The following PAK1 variants were observed in gnomAD, a reference collection of about 807,000 sequenced individuals.
PAK1 encodes the protein p21 (RAC1) activated kinase 1.
A neutral mutation model predicts 67.4 loss-of-function variants in PAK1; 29 were observed. That is an observed-to-expected ratio of 0.43 (90% CI 0.32 to 0.59). The LOEUF is 0.59. PAK1 is among the 20% of genes least tolerant of loss of function. PAK1 has a pLI of 0.07. For missense variants in PAK1, 337 were observed against 670.7 expected, an observed-to-expected ratio of 0.50 and a Z score of 5.50; for synonymous variants, 223 against 237.4, an observed-to-expected ratio of 0.94 and a Z score of 0.56.
chr11:77,429,056 T>TAA lies in PAK1; in HGVS notation c.-21-36517_-21-36516dup, dbSNP rs566874549. 2.1e-3 allele frequency among the ~76,000 whole-genome samples: 102 copies of TAA among 48,988 alleles called. 28 individuals carry two copies. Among genetic ancestry groups the TAA allele is most frequent in the South Asian group, 6.7e-3 (5 of 748 alleles). 32.1% of individuals were successfully genotyped at this position (48,988 alleles called of 152,430 possible). A position where few individuals can be genotyped will look rare whatever the true frequency, so the allele number is the denominator to read the frequency against. ...TTGGATTCTAAATGCCATTTAATAC[T>TAA]AAAAAAAAAAAAAAAAAAAAAAAAA... On this transcript the variant is annotated intron_variant, in intron 1 of 14. Transcript: ENST00000356341.
At chr11:77,390,130 T>A (rs939689624) in intron 2 of PAK1, among the ~76,000 whole-genome samples, 1 of 152,232 alleles carries the variant, frequency 6.6e-6, no homozygotes, top group Admixed American at 6.5e-5. Flanking sequence ...ACCAAGGAAG[T>A]TGGCAGCTAC....
intron 1 of PAK1, among the ~76,000 whole-genome samples, chr11:77,459,864 T>A (rs1007872649): frequency 4.6e-5 from 7 of 151,582 alleles, no homozygotes; most frequent in Non-Finnish European, 5.9e-5. Flanking sequence ...GCCTGGCTAA[T>A]TTTTTGTGTT....
At chr11:77,504,257 C>A in the PAK1 span, among the ~76,000 whole-genome samples, 1 of 151,520 alleles carries the variant, frequency 6.6e-6, no homozygotes, top group Non-Finnish European at 1.5e-5. Flanking sequence ...TAGCACATTT[C>A]CATGAAAAAT....
rs148589457 is a variant in PAK1 at position 77,462,774 on chromosome 11, G to A, written c.-22+10778C>T. ...TTAAATCCGGAAGGAAGAGGTTGCA[G>A]TGAGCCGAGACCGTGCCACTGCACT... On this transcript the variant is annotated intron_variant, in intron 1 of 14. Coordinates refer to ENST00000356341, the MANE Select transcript of PAK1 (RefSeq NM_002576.5). Among the ~76,000 whole-genome samples, 659 of 150,968 alleles carry A rather than the reference G, an allele frequency of 4.4e-3. 3 individuals are homozygous for A. The highest frequency in any genetic ancestry group is 7.2e-3 in the Non-Finnish European group (489 of 67,870).
At chr11:77,487,035 G>C in the PAK1 span, among the ~76,000 whole-genome samples, 6,970 of 152,284 alleles carry the variant, frequency 0.046, 237 homozygotes, top group Middle Eastern at 0.095. Context: ...GGCTCCAGGA[G>C]AGACTCCTTC....
intron 1 of PAK1, among the ~76,000 whole-genome samples, chr11:77,426,292 T>A (rs942371770): frequency 1.3e-5 from 2 of 152,074 alleles, no homozygotes; most frequent in African/African-American, 4.8e-5. Flanking sequence ...ATAATGGAAG[T>A]AAACGTAGCT....
the PAK1 span, among the ~76,000 whole-genome samples, chr11:77,481,624 G>A: frequency 5.5e-5 from 8 of 145,216 alleles, no homozygotes; most frequent in Non-Finnish European, 1.0e-4. Flanking sequence ...GCAGTGAGCC[G>A]AGATTGTGCC....
chr11:77,354,171 C>T (rs957856604), intron 7 of PAK1, among the ~76,000 whole-genome samples: 4 of 152,012 alleles, frequency 2.6e-5, no homozygotes, highest in African/African-American at 4.8e-5. Context: ...TCAAGTGCAA[C>T]GACATAGAGG....
chr11:77,473,459 G>T (rs1957970994), intron 1 of PAK1, 93 bp downstream of exon 1: 1 of 152,274 alleles, frequency 6.6e-6, no homozygotes, highest in Admixed American at 6.5e-5. Flanking sequence ...GAAATAAATG[G>T]GCCCAGACCC....
At chr11:77,352,681 CT>C (rs994750259) in intron 8 of PAK1, among the ~76,000 whole-genome samples, 88 of 152,072 alleles carry the variant, frequency 5.8e-4, no homozygotes, top group African/African-American at 1.3e-3. Flanking sequence ...ATAAATATAC[CT>C]TTTTTTTATC....
intron 2 of PAK1, among the ~76,000 whole-genome samples, chr11:77,391,213 C>A (rs1223688239): frequency 1.3e-5 from 2 of 152,120 alleles, no homozygotes; most frequent in Non-Finnish European, 2.9e-5. Context: ...CTGATTTTAC[C>A]ATGTAGTCTA....
intron 1 of PAK1, among the ~76,000 whole-genome samples, chr11:77,437,554 T>C (rs182735865): frequency 2.0e-5 from 3 of 152,274 alleles, no homozygotes; most frequent in Admixed American, 6.5e-5. Context: ...CAGGTGACAT[T>C]TGGCAATGTC....
At chr11:77,354,487 G>A (rs146185269) in intron 7 of PAK1, among the ~76,000 whole-genome samples, 2 of 152,234 alleles carry the variant, frequency 1.3e-5, no homozygotes, top group African/African-American at 4.8e-5. Context: ...CAAGTCAGTG[G>A]CTGAGCAGAA....
At chr11:77,454,876 T>C (rs991757726) in intron 1 of PAK1, among the ~76,000 whole-genome samples, 4 of 152,208 alleles carry the variant, frequency 2.6e-5, no homozygotes, top group African/African-American at 7.2e-5. Context: ...GGCATGTCCC[T>C]AGAAATTCTT....
intron 1 of PAK1, among the ~76,000 whole-genome samples, chr11:77,434,221 A>T (rs541093325): frequency 1.3e-5 from 2 of 152,356 alleles, no homozygotes; most frequent in African/African-American, 4.8e-5. Flanking sequence ...GCAGCCAAAA[A>T]ATGGAAACAA....
chr11:77,529,937 G>C, the PAK1 span: 2 of 152,320 alleles, frequency 1.3e-5, no homozygotes, highest in Non-Finnish European at 1.5e-5. Flanking sequence ...GGATGGCTCT[G>C]AAGGACTTAC....
intron 1 of PAK1, among the ~76,000 whole-genome samples, chr11:77,463,196 G>A (rs2135507666): frequency 6.6e-6 from 1 of 152,120 alleles, no homozygotes; most frequent in South Asian, 2.1e-4. Flanking sequence ...AGTGTTTACG[G>A]GTGTACTGAT....
the PAK1 span, among the ~76,000 whole-genome samples, chr11:77,512,229 A>G: frequency 6.6e-6 from 1 of 152,182 alleles, no homozygotes; most frequent in Non-Finnish European, 1.5e-5. Flanking sequence ...TCACCGAAGC[A>G]GTTCCCCCTT....
chr11:77,436,443 A>G (rs1352283221), intron 1 of PAK1, among the ~76,000 whole-genome samples: 1 of 152,228 alleles, frequency 6.6e-6, no homozygotes, highest in East Asian at 1.9e-4. Context: ...TAGTCCCAGA[A>G]GTGCTACCAA....
Sources: allele counts gnomAD v4.1 joint callset (sites outside exome capture counted in the v4.1 genomes callset), GRCh38; gene constraint gnomAD v4.1.1; transcripts MANE v1.5; gene names NCBI Gene and HGNC (gene_info 2026-07-23, HGNC 2026-07-21).